The following CD38 variants were observed in gnomAD, a reference collection of about 807,000 sequenced individuals.
CD38 encodes the protein CD38 molecule, also known as ADP-ribosyl cyclase/cyclic ADP-ribose hydrolase 1.
Under a neutral mutation model 36.3 loss-of-function variants are expected in CD38, and 31 were observed. The ratio of observed to expected loss-of-function variants is 0.85; its 90% CI spans 0.64 to 1.15. The LOEUF is 1.15. Ranked by LOEUF, CD38 falls within the 50% of genes most tolerant of loss-of-function variation. CD38 has a pLI of 0.00. For synonymous variants in CD38, 131 were observed against 135.2 expected (o/e 0.97, Z 0.22); for missense variants, 380 against 371.9 (o/e 1.02, Z -0.18).
chr4:15,823,322 T>C (rs1233615578), intron 2 of CD38, among the ~76,000 whole-genome samples: 1 of 152,140 alleles, frequency 6.6e-6, no homozygotes, highest in Non-Finnish European at 1.5e-5. Flanking sequence ...AATTGACAAA[T>C]GGGATCTAAT....
At chr4:15,786,135 C>A (rs1003436419) in intron 1 of CD38, among the ~76,000 whole-genome samples, 2 of 152,210 alleles carry the variant, frequency 1.3e-5, no homozygotes, top group Non-Finnish European at 2.9e-5. Context: ...AAAGAGTGAG[C>A]AGCAGCAAGA....
chr4:15,848,429 G>C, intron 7 of CD38, 110 bp from the exon 8 acceptor site: 1 of 686,362 alleles, frequency 1.5e-6, no homozygotes, highest in South Asian at 1.7e-5. Flanking sequence ...TGGATGCTAA[G>C]TGGTCTGTGC....
rs934486034 is a variant in CD38, at chr4:15,824,793, T to G, written c.364-88T>G. ...GGGTGATTTACTTTGATATGCTCTGTTTTTTTTTTCATTTACAAAACTGTG... is the reference window on the plus strand; with the variant it reads ...GGGTGATTTACTTTGATATGCTCTGGTTTTTTTTTCATTTACAAAACTGTG... On this transcript the variant is annotated intron_variant, in intron 2 of 7. Coordinates refer to ENST00000226279, the MANE Select transcript of CD38 (RefSeq NM_001775.4). The G allele has an allele frequency of 3.4e-5, 32 of 928,012 alleles. 1 individual carries two copies. The highest frequency in any genetic ancestry group is 2.4e-4 in the South Asian group (15 of 61,366). 57.5% of individuals were successfully genotyped at this position (928,012 alleles called of 1,614,324 possible).
intron 3 of CD38, among the ~76,000 whole-genome samples, chr4:15,828,430 A>T (rs1364825264): frequency 6.6e-6 from 1 of 152,192 alleles, no homozygotes; most frequent in Non-Finnish European, 1.5e-5. Flanking sequence ...AAATATTTTT[A>T]AAAACCCTTT....
intron 2 of CD38, among the ~76,000 whole-genome samples, chr4:15,821,556 G>C (rs1230678004): frequency 6.6e-6 from 1 of 151,980 alleles, no homozygotes; most frequent in Non-Finnish European, 1.5e-5. Flanking sequence ...ATACCTCTAT[G>C]CAAATAAACT....
intron 5 of CD38, 101 bp from the exon 6 acceptor site, chr4:15,839,925 T>C (rs979875906): frequency 1.7e-5 from 13 of 775,006 alleles, no homozygotes; most frequent in Admixed American, 1.1e-4. Context: ...CTCTAAAGGA[T>C]AGGTCCTAGC....
In CD38 at chr4:15,849,433, C is replaced by T. The variant is rs1337312291; in HGVS notation, c.*831C>T. 1.3e-5 allele frequency: 2 copies of T among 152,154 alleles called. No homozygotes were observed. Among genetic ancestry groups the T allele is most frequent in the Non-Finnish European group, 2.9e-5 (2 of 68,028 alleles). The allele number at this position is 152,154 out of a possible 1,614,324, so 9.4% of individuals were successfully genotyped here. A position where few individuals can be genotyped will look rare whatever the true frequency, so the allele number is the denominator to read the frequency against. On this transcript the variant is annotated 3_prime_UTR_variant, in exon 8 of 8. Transcript: ENST00000226279. ...CCAAACTAATAGTAGTTTATATTCT[C>T]TTCCAACAAATGCATATTGGATTAA...
intron 1 of CD38, among the ~76,000 whole-genome samples, chr4:15,809,032 T>C (rs1394119965): frequency 6.6e-6 from 1 of 152,196 alleles, no homozygotes; most frequent in Non-Finnish European, 1.5e-5. Flanking sequence ...GGCAAGTTAC[T>C]TGGTCTTCTG....
chr4:15,817,893 C>G (rs1170847008), intron 2 of CD38, among the ~76,000 whole-genome samples: 5 of 152,126 alleles, frequency 3.3e-5, no homozygotes, highest in Non-Finnish European at 4.4e-5. Context: ...TCTACACCAC[C>G]AGGGCCCTGG....
intron 4 of CD38, among the ~76,000 whole-genome samples, chr4:15,836,763 G>C (rs1724076476): frequency 6.6e-6 from 1 of 152,150 alleles, no homozygotes; most frequent in South Asian, 2.1e-4. Context: ...CTAAATCTCT[G>C]TCTTAGGGGG....
intron 1 of CD38, among the ~76,000 whole-genome samples, chr4:15,814,037 G>A (rs1191193775): frequency 1.3e-5 from 2 of 152,128 alleles, no homozygotes; most frequent in African/African-American, 4.8e-5. Flanking sequence ...ATCTTCCACA[G>A]TGGTTGAACT....
At chr4:15,799,919 T>A (rs1392592874) in intron 1 of CD38, among the ~76,000 whole-genome samples, 1 of 152,160 alleles carries the variant, frequency 6.6e-6, no homozygotes, top group Admixed American at 6.5e-5. Context: ...ACTGCCACAC[T>A]TCACCCTCAT....
intron 1 of CD38, among the ~76,000 whole-genome samples, chr4:15,784,454 T>C (rs1401903680): frequency 1.3e-5 from 2 of 152,124 alleles, no homozygotes; most frequent in Non-Finnish European, 2.9e-5. Flanking sequence ...GACTAAACCC[T>C]TAAAGGTTTG....
chr4:15,817,786 C>T (rs1369734533), intron 2 of CD38, among the ~76,000 whole-genome samples: 4 of 152,108 alleles, frequency 2.6e-5, no homozygotes, highest in African/African-American at 7.2e-5. Context: ...GCCAAGATGG[C>T]TGAATAGGAA....
At chr4:15,810,967 T>TCCTAGTGAGTGGTGAGTGGTATCTC (rs1403373505) in intron 1 of CD38, among the ~76,000 whole-genome samples, 4 of 152,246 alleles carry the variant, frequency 2.6e-5, no homozygotes, top group Non-Finnish European at 5.9e-5. Context: ...CCTAGCCCAA[T>TCCTAGTGAGTGGTGAGTGGTATCTC]CCTAGTGAGT....
At chr4:15,798,065 A>C (rs993296831) in intron 1 of CD38, among the ~76,000 whole-genome samples, 5 of 152,210 alleles carry the variant, frequency 3.3e-5, no homozygotes, top group Non-Finnish European at 7.3e-5. Flanking sequence ...GTAAATTTTA[A>C]ACAAATGTTT....
intron 1 of CD38, among the ~76,000 whole-genome samples, chr4:15,804,522 G>A (rs1053325600): frequency 6.6e-6 from 1 of 152,086 alleles, no homozygotes; most frequent in African/African-American, 2.4e-5. Flanking sequence ...GGAATCCACC[G>A]AAGTGTCTAT....
At position 15,790,142 on chromosome 4, in the gene CD38, T is replaced by C. The variant is rs1344918062; in HGVS notation, c.233+11495T>C. 2.7e-3 allele frequency among the ~76,000 whole-genome samples: 36 copies of C among 13,450 alleles called. No homozygotes were observed. The African/African-American group carries it at 0.038, about 14-fold the overall frequency. 8.8% of individuals were successfully genotyped at this position (13,450 alleles called of 152,430 possible). A position where few individuals can be genotyped will look rare whatever the true frequency, so the allele number is the denominator to read the frequency against. ...CTCTCCCTCTCCCTCTCCCTCTCCCTCTCCCTCTCCCTCTCCCCCTCTCCC... is the reference window on the plus strand; with the variant it reads ...CTCTCCCTCTCCCTCTCCCTCTCCCCCTCCCTCTCCCTCTCCCCCTCTCCC... On this transcript the variant is annotated intron_variant, in intron 1 of 7. Transcript: ENST00000226279.
intron 1 of CD38, among the ~76,000 whole-genome samples, chr4:15,784,427 A>G (rs1355299701): frequency 6.6e-6 from 1 of 152,016 alleles, no homozygotes; most frequent in African/African-American, 2.4e-5. Flanking sequence ...CTGCCAGGGA[A>G]GATTGGCCAA....
Sources: allele counts gnomAD v4.1 joint callset (sites outside exome capture counted in the v4.1 genomes callset), GRCh38; gene constraint gnomAD v4.1.1; transcripts MANE v1.5; gene names NCBI Gene and HGNC (gene_info 2026-07-23, HGNC 2026-07-21).